Variants in ROPN1L observed in about 807,000 individuals in gnomAD.
The protein encoded by ROPN1L is rhophilin associated tail protein 1 like, also known as ropporin-1-like protein.
ROPN1L carries 23 observed loss-of-function variants against 22.7 expected under a neutral mutation model. The observed-to-expected ratio is 1.01, with a 90% CI of 0.73 to 1.43. The LOEUF is 1.43. ROPN1L is among the 40% of genes most tolerant of loss of function. The probability of loss-of-function intolerance (pLI) is 0.00; values close to 1 mark genes in which losing one functional copy is unlikely to be tolerated. For missense variants in ROPN1L, 271 were observed against 291.5 expected, an observed-to-expected ratio of 0.93 and a Z score of 0.51; for synonymous variants, 116 against 117.8, an observed-to-expected ratio of 0.98 and a Z score of 0.10.
chr5:10,470,688 T>A (rs1396936450), intron 4 of ROPN1L, among the ~76,000 whole-genome samples: 2 of 152,340 alleles, frequency 1.3e-5, no homozygotes, highest in Admixed American at 1.3e-4. Flanking sequence ...TCTGGGCACA[T>A]GTCCCACCTC....
intron 1 of ROPN1L, 77 bp downstream of exon 1, chr5:10,442,375 C>A (rs1370014378): frequency 2.5e-6 from 4 of 1,569,868 alleles, no homozygotes; most frequent in African/African-American, 2.7e-5. Flanking sequence ...TCCTCCCGGA[C>A]CAGGGGCCTT....
At chr5:10,445,680 T>C (rs1262201284) in intron 1 of ROPN1L, among the ~76,000 whole-genome samples, 2 of 152,134 alleles carry the variant, frequency 1.3e-5, no homozygotes, top group African/African-American at 2.4e-5. Context: ...AATCCCTACA[T>C]TTTGGGAGGA....
chr5:10,468,857 T>C (rs1735199244), downstream of ROPN1L, among the ~76,000 whole-genome samples: 1 of 152,234 alleles, frequency 6.6e-6, no homozygotes, highest in Non-Finnish European at 1.5e-5. Context: ...TTGAAGTCAC[T>C]TTAAAAATAA....
chr5:10,450,206 T>C (rs963754158), intron 3 of ROPN1L, 93 bp downstream of exon 3: 7 of 1,037,544 alleles, frequency 6.7e-6, no homozygotes, highest in African/African-American at 6.6e-5. Context: ...GGAAACACTT[T>C]AGTAACTTTG....
In ROPN1L at chr5:10,461,762, G is replaced by T. The variant is rs113131911; in HGVS notation, c.593+403G>T. On this transcript the variant is annotated intron_variant, in intron 4 of 4. Transcript: ENST00000274134. ...AACCCCTCCTTGGGTCAATTAATTTGCTAGAATGGTTCACAGAACTCAGGG... is the reference window on the plus strand; with the variant it reads ...AACCCCTCCTTGGGTCAATTAATTTTCTAGAATGGTTCACAGAACTCAGGG... Among the ~76,000 whole-genome samples, 1,238 of 152,274 alleles carry T rather than the reference G, an allele frequency of 8.1e-3. 18 individuals carry two copies. The highest frequency in any genetic ancestry group is 0.029 in the African/African-American group (1,198 of 41,534).
chr5:10,461,943 G>A (rs1411517770), intron 4 of ROPN1L, among the ~76,000 whole-genome samples: 1 of 152,190 alleles, frequency 6.6e-6, no homozygotes, highest in Non-Finnish European at 1.5e-5. Flanking sequence ...CCGCAAATGA[G>A]CTCTTGTTCA....
At chr5:10,471,281 GCA>G (rs1735240837) in intron 4 of ROPN1L, among the ~76,000 whole-genome samples, 1 of 151,792 alleles carries the variant, frequency 6.6e-6, no homozygotes, top group Non-Finnish European at 1.5e-5. Flanking sequence ...GGTACCACAG[GCA>G]CAAGCCACCA....
the ROPN1L span, chr5:10,481,879 C>T: frequency 1.3e-5 from 2 of 152,264 alleles, no homozygotes; most frequent in Non-Finnish European, 2.9e-5. Flanking sequence ...TGTAGGGAGA[C>T]ACCACCTCTT....
intron 4 of ROPN1L, among the ~76,000 whole-genome samples, chr5:10,470,743 G>T (rs1735232609): frequency 1.3e-5 from 2 of 152,246 alleles, no homozygotes; most frequent in Non-Finnish European, 2.9e-5. Context: ...TATTAGCAGG[G>T]CGTGATCAGG....
intron 1 of ROPN1L, among the ~76,000 whole-genome samples, chr5:10,447,184 A>T (rs1741095549): frequency 6.6e-6 from 1 of 152,144 alleles, no homozygotes; most frequent in Admixed American, 6.5e-5. Flanking sequence ...TCTTTTCATC[A>T]TGCTAAAGTC....
At chr5:10,465,742 C>CT (rs1167821160), downstream of ROPN1L, among the ~76,000 whole-genome samples, 1 of 151,942 alleles carries the variant, frequency 6.6e-6, no homozygotes, top group Non-Finnish European at 1.5e-5. Flanking sequence ...ATCCCAGCTA[C>CT]TCAGGAGGCT....
chr5:10,446,528 A>T (rs2962317), intron 1 of ROPN1L, among the ~76,000 whole-genome samples: 31,562 of 152,092 alleles, frequency 0.21, 4,934 homozygotes, highest in East Asian at 0.67. Flanking sequence ...GGGCTTGGTG[A>T]TGCACATGTG....
chr5:10,447,371 C>A (rs1457248476), intron 1 of ROPN1L, among the ~76,000 whole-genome samples: 1 of 151,976 alleles, frequency 6.6e-6, no homozygotes, highest in Non-Finnish European at 1.5e-5. Flanking sequence ...CCAACATAAG[C>A]AGCAATATCA....
downstream of ROPN1L, among the ~76,000 whole-genome samples, chr5:10,468,196 G>A (rs569385252): frequency 6.6e-4 from 100 of 152,374 alleles, no homozygotes; most frequent in African/African-American, 2.1e-3. Flanking sequence ...CCCAGAGGCC[G>A]AGCTCCATCA....
chr5:10,464,159 C>A (rs1434706358), intron 4 of ROPN1L, among the ~76,000 whole-genome samples: 3 of 152,200 alleles, frequency 2.0e-5, no homozygotes, highest in African/African-American at 4.8e-5. Context: ...TCCCCTCTGC[C>A]CACCATGGGC....
At position 10,442,133 on chromosome 5, in the gene ROPN1L, G is replaced by A. The variant is rs766101906; in HGVS notation, c.-35G>A. The A allele has an allele frequency of 2.4e-5, 38 of 1,585,954 alleles. 1 individual carries two copies. The highest frequency in any genetic ancestry group is 1.0e-5 in the Non-Finnish European group (12 of 1,159,042). On this transcript the variant is annotated 5_prime_UTR_variant, in exon 1 of 5. Coordinates refer to ENST00000274134, the MANE Select transcript of ROPN1L (RefSeq NM_031916.5). ...CCGCCCTTCTTCCTCGCAGCGCGCC[G>A]CGATTCACCAGCCTGGTCCCTTCTG...
chr5:10,475,085 C>T (rs1292814381), downstream of ROPN1L, among the ~76,000 whole-genome samples: 4 of 152,206 alleles, frequency 2.6e-5, no homozygotes, highest in Non-Finnish European at 5.9e-5. Context: ...TCTCAGGTGG[C>T]TTTGTAGCAG....
chr5:10,460,091 C>T (rs912551768), intron 3 of ROPN1L, among the ~76,000 whole-genome samples: 2 of 152,138 alleles, frequency 1.3e-5, no homozygotes, highest in Non-Finnish European at 2.9e-5. Context: ...GGGAGGGTCC[C>T]ATAGGCCAGC....
At chr5:10,454,733 C>T (rs895273207) in intron 3 of ROPN1L, among the ~76,000 whole-genome samples, 1 of 152,212 alleles carries the variant, frequency 6.6e-6, no homozygotes, top group African/African-American at 2.4e-5. Context: ...ACACGGTGCA[C>T]GCAGTGGGCA....
Sources: gnomAD v4.1 joint callset for allele counts (sites outside exome capture counted in the v4.1 genomes callset) on GRCh38, gnomAD v4.1.1 for gene constraint, MANE v1.5 for transcripts, NCBI Gene and HGNC (gene_info 2026-07-23, HGNC 2026-07-21) for gene names.